RANBP3: variants seen among roughly 807,000 people sequenced by gnomAD.
RANBP3 encodes RAN binding protein 3.
In RANBP3, 14 loss-of-function variants were observed where a neutral mutation model predicts 77.3. That is an observed-to-expected ratio of 0.18 (90% confidence interval 0.12 to 0.28). The LOEUF is 0.28. Among genes scored for constraint, RANBP3 ranks in the 10% least tolerant of loss-of-function variants. RANBP3 has a pLI of 1.00. For missense variants in RANBP3, 586 were observed against 752.3 expected (o/e 0.78, Z 2.59); for synonymous variants, 315 against 312.4 (o/e 1.01, Z -0.09).
At chr19:5,966,188 G>A (rs2058465838) in intron 1 of RANBP3, among the ~76,000 whole-genome samples, 1 of 152,224 alleles carries the variant, frequency 6.6e-6, no homozygotes, top group South Asian at 2.1e-4. Flanking sequence ...CAGGAATAAA[G>A]TAGCTGTCAG....
chr19:5,955,482 C>A (rs2058325093), intron 2 of RANBP3, among the ~76,000 whole-genome samples: 1 of 152,222 alleles, frequency 6.6e-6, no homozygotes, highest in East Asian at 1.9e-4. Context: ...GCATAGACCC[C>A]TTGAAGGTCA....
At chr19:5,918,844 G>A (rs1281983600) in intron 14 of RANBP3, among the ~76,000 whole-genome samples, 1 of 152,124 alleles carries the variant, frequency 6.6e-6, no homozygotes, top group African/African-American at 2.4e-5. Context: ...TCCTCCCCAA[G>A]CCTGGACCAC....
rs964583335 is a variant in RANBP3, at chr19:5,958,277, T to G, written c.23-304A>C. Among the ~76,000 whole-genome samples the G allele has an allele frequency of 2.0e-5, 3 of 152,172 alleles. No individual in the cohort carries two copies. Among genetic ancestry groups the G allele is most frequent in the Non-Finnish European group, 2.9e-5 (2 of 68,034 alleles). On this transcript the variant is annotated intron_variant, in intron 1 of 16. Coordinates refer to ENST00000340578, the MANE Select transcript of RANBP3 (RefSeq NM_007322.3). This position sits in a 1 kb window ranked among gnomAD's most constrained non-coding sequence, Gnocchi z 4.4. The stretch of plus-strand genomic sequence containing the variant: ...GGGAGTGGGAGAGCAGCGGAGAGTG[T>G]GGCAGCGCTATTTGGCGCCATGAAC...
At chr19:5,946,315 C>T (rs2058204389) in intron 3 of RANBP3, among the ~76,000 whole-genome samples, 1 of 152,194 alleles carries the variant, frequency 6.6e-6, no homozygotes, top group Non-Finnish European at 1.5e-5. Flanking sequence ...GGGTGGAGTC[C>T]GTGTCCTCCA....
At chr19:5,944,411 C>T (rs901753101) in intron 3 of RANBP3, among the ~76,000 whole-genome samples, 4 of 152,206 alleles carry the variant, frequency 2.6e-5, no homozygotes, top group Non-Finnish European at 5.9e-5. Context: ...CTCCAGCTAT[C>T]GCTTGCCCTC....
At position 5,917,321 on chromosome 19, in the gene RANBP3, T is replaced by A. The variant is rs1462249572; in HGVS notation, c.*289A>T. 2.1e-6 allele frequency: 1 copy of A among 482,230 alleles called. No individual in the cohort carries two copies. The highest frequency in any genetic ancestry group is 3.7e-6 in the Non-Finnish European group (1 of 270,290). The allele number at this position is 482,230 out of a possible 1,614,324, so 29.9% of individuals were successfully genotyped here. A position where few individuals can be genotyped will look rare whatever the true frequency, so the allele number is the denominator to read the frequency against. ...GAAGGAACGAGGTCTCCAGTCCCAGTGAGAAGCCGTGACAAGTCTTAATGT... is the reference window on the plus strand; with the variant it reads ...GAAGGAACGAGGTCTCCAGTCCCAGAGAGAAGCCGTGACAAGTCTTAATGT... On this transcript the variant is annotated 3_prime_UTR_variant, in exon 17 of 17. Coordinates refer to ENST00000340578, the MANE Select transcript of RANBP3 (RefSeq NM_007322.3).
Position 5,921,958 on chromosome 19 carries a change from T to C in RANBP3, c.1210-637A>G, listed in dbSNP as rs1387556759. Reference sequence around the variant, plus strand: ...AAGCCAGACACGAAAGGCCACATAGTGCGTTGATGCCATTTATATGAAATG... The same window carrying C: ...AAGCCAGACACGAAAGGCCACATAGCGCGTTGATGCCATTTATATGAAATG... On this transcript the variant is annotated intron_variant, in intron 13 of 16. Transcript: ENST00000340578. This position sits in a 1 kb window ranked among gnomAD's most constrained non-coding sequence, Gnocchi z 5.3. Among the ~76,000 whole-genome samples, 1 of 152,146 alleles carries C rather than the reference T, an allele frequency of 6.6e-6. No homozygotes were observed. The highest frequency in any genetic ancestry group is 1.5e-5 in the Non-Finnish European group (1 of 68,034).
chr19:5,971,390 C>T (rs894769007), intron 1 of RANBP3, among the ~76,000 whole-genome samples: 1 of 151,866 alleles, frequency 6.6e-6, no homozygotes, highest in South Asian at 2.1e-4. Context: ...CTTTGAACTC[C>T]TGGGCTCAAG....
intron 1 of RANBP3, 21 bp from the exon 2 acceptor site, chr19:5,957,994 T>G: frequency 6.2e-7 from 1 of 1,613,494 alleles, no homozygotes; most frequent in Non-Finnish European, 8.5e-7. Context: ...AAAAATTAGT[T>G]TTTTTCCCCC....
chr19:5,956,559 C>G (rs1161511433), intron 2 of RANBP3, among the ~76,000 whole-genome samples: 1 of 152,202 alleles, frequency 6.6e-6, no homozygotes, highest in Non-Finnish European at 1.5e-5. Context: ...GGGAAAGTTT[C>G]ATGAGTTAAA....
chr19:5,937,127 T>C (rs1335788083), intron 5 of RANBP3, among the ~76,000 whole-genome samples: 1 of 133,426 alleles, frequency 7.5e-6, no homozygotes, highest in Non-Finnish European at 1.6e-5. Flanking sequence ...GAAACATCAC[T>C]CTAAAGACAT....
chr19:5,923,411 T>A, intron 12 of RANBP3, 108 bp from the exon 13 acceptor site: 1 of 1,123,488 alleles, frequency 8.9e-7, no homozygotes, highest in Non-Finnish European at 1.3e-6. Context: ...CAAGGACGCC[T>A]GCTGCCCCTG....
Position 5,933,494 on chromosome 19 carries a change from C to T in RANBP3, c.407-15G>A. ...GCTCCTTTCCTCTAAAAGCACAAGA[C>T]AAAATATCAACAGCAGGCCTGCCTG... On this transcript the variant is annotated splice_polypyrimidine_tract_variant and intron_variant, in intron 5 of 16. Coordinates refer to ENST00000340578, the MANE Select transcript of RANBP3 (RefSeq NM_007322.3). 6.2e-7 allele frequency: 1 copy of T among 1,612,014 alleles called. No homozygotes were observed. The highest frequency in any genetic ancestry group is 1.1e-5 in the South Asian group (1 of 90,834).
At chr19:5,966,745 T>A (rs1357999739) in intron 1 of RANBP3, among the ~76,000 whole-genome samples, 5 of 152,260 alleles carry the variant, frequency 3.3e-5, no homozygotes, top group Admixed American at 3.3e-4. Context: ...TTGCTTTTTC[T>A]GTTTATTCGC....
chr19:5,928,839 T>C (rs988615378), intron 8 of RANBP3, among the ~76,000 whole-genome samples: 3 of 152,188 alleles, frequency 2.0e-5, no homozygotes, highest in Non-Finnish European at 4.4e-5. Flanking sequence ...GAGTTGCTAG[T>C]AATTTGTATA....
In RANBP3 at chr19:5,957,449, C is replaced by T. The variant is rs933272483; in HGVS notation, c.78+469G>A. The stretch of plus-strand genomic sequence containing the variant: ...CAAATGAACAATTACTCTAAATGCA[C>T]GTACGCCCAGCTCGTTAGGGCCAAT... On this transcript the variant is annotated intron_variant, in intron 2 of 16. Coordinates refer to ENST00000340578, the MANE Select transcript of RANBP3 (RefSeq NM_007322.3). Among the ~76,000 whole-genome samples, 3 of 152,100 alleles carry T rather than the reference C, an allele frequency of 2.0e-5. No individual in the cohort carries two copies. In the East Asian group the frequency reaches 5.8e-4, roughly 29 times the overall value.
In RANBP3 at chr19:5,952,469, C is replaced by T. The variant is rs1430474094; in HGVS notation, c.79-873G>A. 6.6e-6 allele frequency among the ~76,000 whole-genome samples: 1 copy of T among 152,128 alleles called. No homozygotes were observed. Among genetic ancestry groups the T allele is most frequent in the Non-Finnish European group, 1.5e-5 (1 of 68,024 alleles). On this transcript the variant is annotated intron_variant, in intron 2 of 16. Coordinates refer to ENST00000340578, the MANE Select transcript of RANBP3 (RefSeq NM_007322.3). The surrounding 1 kb of genome is among the most constrained non-coding windows in gnomAD (Gnocchi z 4.1). ...TTCCATGGGCTGAGAGCTCTGTGGC[C>T]GTAACTCCAAGACTTTTCTTGAGAA... is the stretch of plus-strand genomic sequence containing the variant.
intron 1 of RANBP3, among the ~76,000 whole-genome samples, chr19:5,962,437 C>G (rs2058415701): frequency 6.6e-6 from 1 of 152,164 alleles, no homozygotes; most frequent in Admixed American, 6.5e-5. Flanking sequence ...TTCCGTTTCT[C>G]TCTGTATTCT....
intron 5 of RANBP3, among the ~76,000 whole-genome samples, chr19:5,936,162 A>G (rs1160777504): frequency 1.3e-5 from 2 of 152,246 alleles, no homozygotes; most frequent in Non-Finnish European, 2.9e-5. Context: ...CTGAGAAGGC[A>G]GCCTGGCTGG....
Sources: allele counts gnomAD v4.1 joint callset (sites outside exome capture counted in the v4.1 genomes callset), GRCh38; gene constraint gnomAD v4.1.1; non-coding constraint Gnocchi (gnomAD v3.1); transcripts MANE v1.5; gene names NCBI Gene and HGNC (gene_info 2026-07-23, HGNC 2026-07-21).